The following ZNF675 variants were observed in gnomAD, a reference collection of about 807,000 sequenced individuals.
The protein encoded by ZNF675 is TRAF6 inhibitory zinc finger.
ZNF675 carries 36 observed loss-of-function variants against 56.1 expected under a neutral mutation model. The ratio of observed to expected loss-of-function variants is 0.64; its 90% CI spans 0.49 to 0.85. The LOEUF (loss-of-function observed/expected upper bound fraction) is 0.85, where lower values mean the gene tolerates loss of function less well. Among genes scored for constraint, ZNF675 ranks in the 40% least tolerant of loss-of-function variants. The probability of loss-of-function intolerance (pLI) is 0.00; values close to 1 mark genes in which losing one functional copy is unlikely to be tolerated. For missense variants in ZNF675, 663 were observed against 654.2 expected (o/e 1.01, Z -0.15); for synonymous variants, 200 against 218.9 (o/e 0.91, Z 0.76).
At chr19:23,672,271 CA>C (rs1968237775) in intron 1 of ZNF675, among the ~76,000 whole-genome samples, 1 of 151,336 alleles carries the variant, frequency 6.6e-6, no homozygotes. Flanking sequence ...TACTCTACTC[CA>C]GTATCACATT....
chr19:23,682,464 A>G (rs1002515278), intron 1 of ZNF675, among the ~76,000 whole-genome samples: 1 of 151,798 alleles, frequency 6.6e-6, no homozygotes, highest in African/African-American at 2.4e-5. Context: ...CCTCAAAACA[A>G]TAATACTTAT....
At chr19:23,665,439 ACT>A (rs148380865) in intron 1 of ZNF675, among the ~76,000 whole-genome samples, 2,456 of 151,630 alleles carry the variant, frequency 0.016, 70 homozygotes, top group African/African-American at 0.057. Context: ...CTGTGGCTCC[ACT>A]CTCTGTGATG....
At chr19:23,656,615 T>TATATACACATACAC (rs774359817) in intron 3 of ZNF675, 20 of 137,510 alleles carry the variant, frequency 1.5e-4, no homozygotes, top group Non-Finnish European at 2.7e-4. Flanking sequence ...AAAAAAGGTA[T>TATATACACATACAC]ACACACACAC....
At chr19:23,662,876 T>G (rs1029961891) in intron 2 of ZNF675, among the ~76,000 whole-genome samples, 156 bp downstream of exon 2, 1 of 152,034 alleles carries the variant, frequency 6.6e-6, no homozygotes, top group Non-Finnish European at 1.5e-5. Context: ...CCCAGCTACT[T>G]GGAAGGCTGA....
At position 23,653,414 on chromosome 19, in the gene ZNF675, G is replaced by T. The variant is rs759660778; in HGVS notation, c.1519C>A (p.Pro507Thr). The change falls in exon 4 of 4, where the codon CCC becomes ACC. Residue 507 changes from proline to threonine, a missense_variant. Pro to Thr is a conservative substitution (Grantham distance 38). Around this residue, in one of 3 missense-constraint regions of ZNF675, gnomAD observed 617 missense variants for 590.5 expected, o/e 1.04. Coordinates refer to ENST00000359788, the MANE Select transcript of ZNF675 (RefSeq NM_138330.3). ...THKRIHTGEK[P>T]YKCEECGKAF... ...TTGCCACATTCTTCACATTTGTAGGGTTTCTCCCCAGTATGAATTCTTTTA... is the reference window on the plus strand; with the variant it reads ...TTGCCACATTCTTCACATTTGTAGGTTTTCTCCCCAGTATGAATTCTTTTA... The T allele has an allele frequency of 1.1e-5, 18 of 1,612,886 alleles. No individual in the cohort carries two copies. Among genetic ancestry groups the T allele is most frequent in the Non-Finnish European group, 1.4e-5 (17 of 1,179,720 alleles).
chr19:23,666,366 C>T (rs1968150739), intron 1 of ZNF675, among the ~76,000 whole-genome samples: 1 of 152,178 alleles, frequency 6.6e-6, no homozygotes, highest in African/African-American at 2.4e-5. Flanking sequence ...AACTTTGCTT[C>T]AGCATCTGAT....
At position 23,653,383 on chromosome 19, in the gene ZNF675, A is replaced by C; in HGVS notation, c.1550T>G (p.Phe517Cys). 6.2e-7 allele frequency: 1 copy of C among 1,613,406 alleles called. No homozygotes were observed. The highest frequency in any genetic ancestry group is 8.5e-7 in the Non-Finnish European group (1 of 1,179,824). ...TTCAGTAAGTTTTGAGGATCGGCTA[A>C]AAGCTTTGCCACATTCTTCACATTT... Reference protein sequence around the residue: ...PYKCEECGKAFSRSSKLTEHK... With the variant: ...PYKCEECGKACSRSSKLTEHK... The change falls in exon 4 of 4, where the codon TTT becomes TGT. Residue 517 changes from phenylalanine (F) to cysteine (C), a missense_variant. Physicochemically the swap from Phe to Cys is radical, Grantham distance 205. Around this residue, in one of 3 missense-constraint regions of ZNF675, gnomAD observed 617 missense variants for 590.5 expected, o/e 1.04. Coordinates refer to ENST00000359788, the MANE Select transcript of ZNF675 (RefSeq NM_138330.3).
At chr19:23,658,994 G>GATCTAT (rs1568289350) in intron 3 of ZNF675, among the ~76,000 whole-genome samples, 54 of 128,126 alleles carry the variant, frequency 4.2e-4, no homozygotes, top group African/African-American at 1.6e-3. Context: ...TAGAGATCGA[G>GATCTAT]ATCTATATAT....
At chr19:23,683,336 T>C (rs917686519) in intron 1 of ZNF675, among the ~76,000 whole-genome samples, 2 of 151,772 alleles carry the variant, frequency 1.3e-5, no homozygotes, top group Non-Finnish European at 2.9e-5. Context: ...CACAAATTTA[T>C]GGTGCAAAAA....
At chr19:23,686,888 G>C in intron 1 of ZNF675, 143 bp downstream of exon 1, 1 of 1,004,240 alleles carries the variant, frequency 1.0e-6, no homozygotes. Flanking sequence ...GGCTGCAGGG[G>C]ACTGAGCCGA....
chr19:23,653,019 C>T lies in ZNF675; in HGVS notation c.*207G>A, dbSNP rs1967931391. The stretch of plus-strand genomic sequence containing the variant: ...GTACAATTTTTCTTAAGTATAAACG[C>T]TTTCCTGTGCAATAAGGTTTGAGCC... On this transcript the variant is annotated 3_prime_UTR_variant, in exon 4 of 4. Coordinates refer to ENST00000359788, the MANE Select transcript of ZNF675 (RefSeq NM_138330.3). 4.1e-6 allele frequency: 2 copies of T among 489,354 alleles called. No homozygotes were observed. The highest frequency in any genetic ancestry group is 3.7e-5 in the Admixed American group (1 of 26,958). The allele number at this position is 489,354 out of a possible 1,614,324, so 30.3% of individuals were successfully genotyped here.
At chr19:23,680,003 A>G (rs1047541552) in intron 1 of ZNF675, among the ~76,000 whole-genome samples, 3 of 150,130 alleles carry the variant, frequency 2.0e-5, no homozygotes, top group Admixed American at 6.6e-5. Context: ...CCCCCAAAAA[A>G]AAACATTAAT....
intron 1 of ZNF675, among the ~76,000 whole-genome samples, chr19:23,680,528 G>A (rs904760916): frequency 1.3e-5 from 2 of 151,604 alleles, no homozygotes; most frequent in Non-Finnish European, 2.9e-5. Context: ...GGAGGCTGAG[G>A]TGGGTGAATC....
intron 2 of ZNF675, among the ~76,000 whole-genome samples, chr19:23,662,778 G>A (rs553646154): frequency 6.6e-5 from 10 of 151,898 alleles, no homozygotes; most frequent in South Asian, 2.1e-4. Context: ...TCACGAGTTC[G>A]AGACCAGCCT....
At position 23,658,850 on chromosome 19, in the gene ZNF675, T is replaced by TAG. The variant is rs1460427315; in HGVS notation, c.226+3263_226+3264insCT. 2.8e-3 allele frequency among the ~76,000 whole-genome samples: 171 copies of TAG among 60,608 alleles called. 6 individuals are homozygous for TAG. Among genetic ancestry groups the TAG allele is most frequent in the African/African-American group, 7.5e-3 (144 of 19,228 alleles). The allele number at this position is 60,608 out of a possible 152,430, so 39.8% of individuals were successfully genotyped here. A position where few individuals can be genotyped will look rare whatever the true frequency, so the allele number is the denominator to read the frequency against. ...CTCTATAGATATATAGATATATCTA[T>TAG]ATAGATATAGAAATAGATCTATAGA... On this transcript the variant is annotated intron_variant, in intron 3 of 3. Transcript: ENST00000359788.
chr19:23,681,222 T>C (rs1968372248), intron 1 of ZNF675, among the ~76,000 whole-genome samples: 2 of 151,644 alleles, frequency 1.3e-5, no homozygotes, highest in African/African-American at 2.4e-5. Context: ...CCAGGAGACA[T>C]AGTCATTTTT....
chr19:23,654,361 T>C lies in ZNF675; in HGVS notation c.572A>G (p.Glu191Gly), dbSNP rs905157169. The stretch of plus-strand genomic sequence containing the variant: ...GAAATTCACCTTGGTATAATTTCTT[T>C]CATGTCGAGTTAGGTGTGAAAGCAT... ...FCMLSHLTRH[E>G]RNYTKVNFCK... Residue 191 changes from glutamate (E) to glycine (G), a missense_variant, in exon 4 of 4, where the codon GAA becomes GGA. Around this residue, in one of 3 missense-constraint regions of ZNF675, gnomAD observed 617 missense variants for 590.5 expected, o/e 1.04. Coordinates refer to ENST00000359788, the MANE Select transcript of ZNF675 (RefSeq NM_138330.3). 3 of 1,612,228 alleles carry C rather than the reference T, an allele frequency of 1.9e-6. No homozygotes were observed. Among genetic ancestry groups the C allele is most frequent in the South Asian group, 1.1e-5 (1 of 90,674 alleles).
chr19:23,676,847 G>A (rs1312602877), intron 1 of ZNF675, among the ~76,000 whole-genome samples: 2 of 151,548 alleles, frequency 1.3e-5, no homozygotes, highest in African/African-American at 4.9e-5. Flanking sequence ...GGCCGAGGTG[G>A]GTGGATCACG....
intron 1 of ZNF675, among the ~76,000 whole-genome samples, chr19:23,677,637 T>G (rs1599422684): frequency 7.7e-6 from 1 of 129,930 alleles, no homozygotes; most frequent in South Asian, 2.4e-4. Flanking sequence ...ACCCAGGAGG[T>G]GGAGATTGCA....
Sources: allele counts gnomAD v4.1 joint callset (sites outside exome capture counted in the v4.1 genomes callset), GRCh38; gene constraint gnomAD v4.1.1; regional missense constraint gnomAD v4.1.1; transcripts MANE v1.5; gene names NCBI Gene and HGNC (gene_info 2026-07-23, HGNC 2026-07-21).